The following KCTD1 variants were observed in gnomAD, a reference collection of about 807,000 sequenced individuals.
KCTD1 encodes the protein BTB/POZ domain-containing protein KCTD1.
A neutral mutation model predicts 66.0 loss-of-function variants in KCTD1; 24 were observed. The observed-to-expected ratio is 0.36, with a 90% CI of 0.26 to 0.51. The LOEUF is 0.51. Among genes scored for constraint, KCTD1 ranks in the 20% least tolerant of loss-of-function variants. The pLI is 0.95. For synonymous variants in KCTD1, 511 were observed against 517.2 expected (o/e 0.99, Z 0.16); for missense variants, 943 against 1,205.2 (o/e 0.78, Z 3.22).
Position 26,476,167 on chromosome 18 carries a change from G to A in KCTD1, c.2133+348C>T, listed in dbSNP as rs1233108144. The stretch of plus-strand genomic sequence containing the variant: ...AATTTTACTGTTCATGTTTGCTTTC[G>A]ATTTCTAGGGGCGGGGACGGGGAAG... On this transcript the variant is annotated intron_variant, in intron 3 of 4. Coordinates refer to ENST00000580059, the MANE Select transcript of KCTD1 (RefSeq NM_001142730.3). The surrounding 1 kb of genome is among the most constrained non-coding windows in gnomAD (Gnocchi z 4.9). Among the ~76,000 whole-genome samples the A allele has an allele frequency of 3.3e-5, 5 of 152,144 alleles. No individual in the cohort carries two copies. The highest frequency in any genetic ancestry group is 7.3e-5 in the Non-Finnish European group (5 of 68,030).
At chr18:26,456,771 T>TTAGA (rs895114346) in intron 4 of KCTD1, 1 of 149,920 alleles carries the variant, frequency 6.7e-6, no homozygotes, top group African/African-American at 2.5e-5. Context: ...GACTCTTAGA[T>TTAGA]TAGATAGACA....
chr18:26,612,782 C>G (rs1356099181), intron 1 of KCTD1, among the ~76,000 whole-genome samples: 1 of 152,220 alleles, frequency 6.6e-6, no homozygotes, highest in African/African-American at 2.4e-5. Flanking sequence ...CCTGGAAACT[C>G]TTCGGGCAGT....
chr18:26,605,255 C>T (rs1003931520), intron 1 of KCTD1, among the ~76,000 whole-genome samples: 6 of 152,084 alleles, frequency 3.9e-5, no homozygotes, highest in African/African-American at 9.7e-5. Flanking sequence ...TGTCTACAAT[C>T]GAGGGTCTTA....
intron 1 of KCTD1, chr18:26,640,246 G>A (rs1987809017): frequency 6.6e-6 from 1 of 152,258 alleles, no homozygotes; most frequent in Admixed American, 6.5e-5. Context: ...GACCAGTCCG[G>A]AAAACATAGT....
intron 1 of KCTD1, chr18:26,599,413 A>G (rs1986839236): frequency 6.2e-7 from 1 of 1,611,410 alleles, no homozygotes; most frequent in African/African-American, 1.3e-5. Context: ...AGAATGGCAG[A>G]TTTTGGGATC....
At chr18:26,502,562 C>T (rs1395340433) in intron 1 of KCTD1, among the ~76,000 whole-genome samples, 4 of 152,166 alleles carry the variant, frequency 2.6e-5, no homozygotes, top group African/African-American at 7.2e-5. Flanking sequence ...ATTTCAAATG[C>T]TATCAAAACA....
At chr18:26,473,594 T>TAATAAG (rs1392033580) in intron 3 of KCTD1, among the ~76,000 whole-genome samples, 1 of 150,756 alleles carries the variant, frequency 6.6e-6, no homozygotes, top group African/African-American at 2.4e-5. Flanking sequence ...ATAATAATAA[T>TAATAAG]AGTAAAAAAG....
intron 1 of KCTD1, among the ~76,000 whole-genome samples, chr18:26,516,087 A>G (rs1183075846): frequency 6.6e-6 from 1 of 152,162 alleles, no homozygotes; most frequent in African/African-American, 2.4e-5. Context: ...AAAGAGGCCA[A>G]GAAGTGAGAA....
intron 1 of KCTD1, among the ~76,000 whole-genome samples, chr18:26,508,334 A>G (rs939977536): frequency 2.0e-5 from 3 of 152,162 alleles, no homozygotes; most frequent in South Asian, 2.1e-4. Context: ...CCTTCAAGGG[A>G]TTTGACTTCA....
Position 26,547,092 on chromosome 18 carries a change from T to C in KCTD1, c.1445A>G (p.Glu482Gly), listed in dbSNP as rs1452451963. 4 of 1,545,440 alleles carry C rather than the reference T, an allele frequency of 2.6e-6. No individual in the cohort carries two copies. The change falls in exon 1 of 5, where the codon GAG becomes GGG. Residue 482 changes from glutamate to glycine, a missense_variant. Transcript: ENST00000580059. ...GSPAPQGCYA[E>G]ALNGAARHHS... ...GTGCCGTGCCGCCCCGTTCAGAGCC[T>C]CGGCGTAGCAGCCCTGCGGGGCGGG...
intron 1 of KCTD1, among the ~76,000 whole-genome samples, chr18:26,510,657 C>T (rs980945755): frequency 1.3e-5 from 2 of 152,098 alleles, no homozygotes; most frequent in Non-Finnish European, 2.9e-5. Flanking sequence ...TATTGGCCAA[C>T]ATTTCTTTGC....
intron 1 of KCTD1, among the ~76,000 whole-genome samples, chr18:26,562,545 C>A (rs186387060): frequency 3.3e-5 from 5 of 152,140 alleles, no homozygotes; most frequent in Admixed American, 6.5e-5. Flanking sequence ...TACAGGCATG[C>A]GCCACTGCAC....
At chr18:26,559,306 AT>A (rs1290205772) in intron 1 of KCTD1, among the ~76,000 whole-genome samples, 1 of 152,258 alleles carries the variant, frequency 6.6e-6, no homozygotes, top group Non-Finnish European at 1.5e-5. Context: ...TGGATACCCC[AT>A]TCTCCATGAT....
chr18:26,539,460 T>C (rs1984867779), intron 1 of KCTD1, among the ~76,000 whole-genome samples: 1 of 152,242 alleles, frequency 6.6e-6, no homozygotes, highest in Non-Finnish European at 1.5e-5. Flanking sequence ...CAGATGTTGC[T>C]GGTTGGTGGA....
At chr18:26,582,670 T>G (rs1050039822) in intron 1 of KCTD1, among the ~76,000 whole-genome samples, 4 of 152,204 alleles carry the variant, frequency 2.6e-5, no homozygotes, top group Non-Finnish European at 5.9e-5. Flanking sequence ...TGAAATAAAT[T>G]AACGTGCAGC....
At chr18:26,501,312 A>T (rs1982750968) in intron 1 of KCTD1, 62 bp from the exon 2 acceptor site, 1 of 1,391,356 alleles carries the variant, frequency 7.2e-7, no homozygotes. Flanking sequence ...TAGGAAATAC[A>T]TATAGCATAA....
rs1297639681 is a variant in KCTD1, at chr18:26,468,487, TAAAC to T, written c.2133+8024_2133+8027del. ...GCTAGGGAAAGAAGCAGGTAATCAA[TAAAC>T]ATTCTCCCTAACAAACTTAGTGAAA... is the stretch of plus-strand genomic sequence containing the variant. On this transcript the variant is annotated intron_variant, in intron 3 of 4. Transcript: ENST00000580059. This position sits in a 1 kb window ranked among gnomAD's most constrained non-coding sequence, Gnocchi z 4.8. Among the ~76,000 whole-genome samples the T allele has an allele frequency of 6.6e-6, 1 of 152,156 alleles. No individual in the cohort carries two copies. Among genetic ancestry groups the T allele is most frequent in the African/African-American group, 2.4e-5 (1 of 41,454 alleles).
Position 26,570,191 on chromosome 18 carries a change from A to AAT in KCTD1, c.-16+58954_-16+58955dup, listed in dbSNP as rs1555643817. 1.2e-3 allele frequency among the ~76,000 whole-genome samples: 162 copies of AAT among 132,544 alleles called. 1 individual carries two copies. The highest frequency in any genetic ancestry group is 4.1e-3 in the African/African-American group (153 of 37,662). The allele number at this position is 132,544 out of a possible 152,430, so 87.0% of individuals were successfully genotyped here. ...ACAGAGCAAGACTCCATCTAAAAAAAATATATATATATATATATATATATG... is the reference window on the plus strand; with the variant it reads ...ACAGAGCAAGACTCCATCTAAAAAAAATATATATATATATATATATATATATG... On this transcript the variant is annotated intron_variant, in intron 1 of 4. Transcript: ENST00000317932.
At chr18:26,600,867 C>T (rs576283141) in intron 1 of KCTD1, among the ~76,000 whole-genome samples, 2 of 152,208 alleles carry the variant, frequency 1.3e-5, no homozygotes, top group East Asian at 1.9e-4. Flanking sequence ...CCCTCTGCCC[C>T]CTTCCATCCC....
Sources: gnomAD v4.1 joint callset for allele counts (sites outside exome capture counted in the v4.1 genomes callset) on GRCh38, gnomAD v4.1.1 for gene constraint, Gnocchi (gnomAD v3.1) non-coding constraint, MANE v1.5 for transcripts, NCBI Gene and HGNC (gene_info 2026-07-23, HGNC 2026-07-21) for gene names.